The following CSMD1 variants were observed in gnomAD, a reference collection of about 807,000 sequenced individuals.
The protein encoded by CSMD1 is CUB and sushi domain-containing protein 1.
In CSMD1, 213 loss-of-function variants were observed where a neutral mutation model predicts 417.5. That is an observed-to-expected ratio of 0.51 (90% confidence interval 0.46 to 0.57). CSMD1 has a LOEUF of 0.57. Ranked by LOEUF, CSMD1 falls within the 20% of genes least tolerant of loss-of-function variation. CSMD1 has a pLI of 0.00. For missense variants in CSMD1, 6,923 were observed against 4,529.7 expected, an observed-to-expected ratio of 1.53 and a Z score of -15.17; for synonymous variants, 2,862 against 1,736.8, an observed-to-expected ratio of 1.65 and a Z score of -16.11.
intron 24 of CSMD1, 140 bp from the exon 25 acceptor site, chr8:3,307,961 C>A (rs564849616): frequency 6.8e-5 from 64 of 939,288 alleles, no homozygotes; most frequent in Non-Finnish European, 8.9e-5. Flanking sequence ...CTCTCCTGAC[C>A]GTTTCAATAT....
chr8:3,997,584 C>T (rs1432556240), intron 5 of CSMD1, among the ~76,000 whole-genome samples: 3 of 152,180 alleles, frequency 2.0e-5, no homozygotes, highest in African/African-American at 7.2e-5. Flanking sequence ...TCTCTGCTCA[C>T]AGTGAAACAG....
intron 10 of CSMD1, among the ~76,000 whole-genome samples, chr8:3,560,498 T>C (rs1457987721): frequency 3.9e-5 from 6 of 152,124 alleles, no homozygotes; most frequent in Non-Finnish European, 5.9e-5. Context: ...ATTAGTGCCC[T>C]AGAAGAAACC....
At chr8:3,150,662 A>C (rs1819140563) in intron 40 of CSMD1, among the ~76,000 whole-genome samples, 1 of 152,222 alleles carries the variant, frequency 6.6e-6, no homozygotes, top group African/African-American at 2.4e-5. Flanking sequence ...ACATTCACTA[A>C]GTACCTAACT....
chr8:4,532,968 T>C (rs1026527739), intron 2 of CSMD1, among the ~76,000 whole-genome samples: 1 of 150,524 alleles, frequency 6.6e-6, no homozygotes, highest in East Asian at 2.0e-4. Context: ...TCCTGCACCG[T>C]CATTCACAGT....
Position 4,397,313 on chromosome 8 carries a change from G to C in CSMD1, c.415+22640C>G, listed in dbSNP as rs181995044. On this transcript the variant is annotated intron_variant, in intron 3 of 69. Transcript: ENST00000635120. Reference sequence around the variant, plus strand: ...AGAACATTGTTTTCTAATTTTAAATGTATAAGCATATTCAACTGAAGATTA... The same window carrying C: ...AGAACATTGTTTTCTAATTTTAAATCTATAAGCATATTCAACTGAAGATTA... Among the ~76,000 whole-genome samples, 264 of 152,220 alleles carry C rather than the reference G, an allele frequency of 1.7e-3. 1 individual carries two copies. Among genetic ancestry groups the C allele is most frequent in the African/African-American group, 5.8e-3 (243 of 41,560 alleles).
chr8:4,002,462 T>A (rs1341656264), intron 4 of CSMD1, among the ~76,000 whole-genome samples: 1 of 152,216 alleles, frequency 6.6e-6, no homozygotes, highest in Non-Finnish European at 1.5e-5. Flanking sequence ...GTTTGTTTCC[T>A]CTTAGATCTA....
At chr8:4,860,684 G>A (rs1802078795) in intron 1 of CSMD1, among the ~76,000 whole-genome samples, 1 of 152,078 alleles carries the variant, frequency 6.6e-6, no homozygotes, top group Non-Finnish European at 1.5e-5. Context: ...TGTTTGAAAT[G>A]TTCCTCATTC....
intron 3 of CSMD1, among the ~76,000 whole-genome samples, chr8:4,335,503 G>A (rs545808298): frequency 9.3e-4 from 141 of 152,126 alleles, no homozygotes; most frequent in African/African-American, 3.2e-3. Flanking sequence ...CTGAACAAAC[G>A]AAGTCATCAC....
intron 3 of CSMD1, among the ~76,000 whole-genome samples, chr8:4,313,483 C>T (rs534388565): frequency 6.9e-6 from 1 of 144,526 alleles, no homozygotes; most frequent in South Asian, 2.3e-4. Context: ...CCGAAGAGCT[C>T]CCAAAGGTCT....
At chr8:3,702,483 G>A (rs144186702) in intron 7 of CSMD1, among the ~76,000 whole-genome samples, 1 of 152,176 alleles carries the variant, frequency 6.6e-6, no homozygotes, top group Non-Finnish European at 1.5e-5. Context: ...TTTCTGCCAA[G>A]AAGAATGCTC....
chr8:4,602,314 A>G (rs549496181), intron 2 of CSMD1, among the ~76,000 whole-genome samples: 11 of 152,172 alleles, frequency 7.2e-5, no homozygotes, highest in Non-Finnish European at 1.6e-4. Context: ...GGCACTTCAG[A>G]GGTCCGAAGC....
At chr8:4,363,848 C>G (rs1372897970) in intron 3 of CSMD1, among the ~76,000 whole-genome samples, 1 of 151,930 alleles carries the variant, frequency 6.6e-6, no homozygotes, top group East Asian at 1.9e-4. Flanking sequence ...ATCTGAAAAT[C>G]AAAACAATAG....
chr8:3,519,698 A>G (rs1225552356), intron 10 of CSMD1, among the ~76,000 whole-genome samples: 1 of 152,202 alleles, frequency 6.6e-6, no homozygotes, highest in Non-Finnish European at 1.5e-5. Context: ...AATTTAATGA[A>G]TAAAGTGGTG....
At chr8:3,583,040 A>T (rs1190866057) in intron 9 of CSMD1, among the ~76,000 whole-genome samples, 2 of 152,076 alleles carry the variant, frequency 1.3e-5, no homozygotes, top group Non-Finnish European at 2.9e-5. Context: ...AGGGCTTAGA[A>T]TTTCCCTTAC....
At chr8:4,417,540 T>A (rs1006728843) in intron 3 of CSMD1, among the ~76,000 whole-genome samples, 11 of 152,076 alleles carry the variant, frequency 7.2e-5, no homozygotes, top group African/African-American at 2.7e-4. Flanking sequence ...GAATTTATTA[T>A]AATATGAAAG....
rs922878258 is a variant in CSMD1 at position 3,941,550 on chromosome 8, G to C, written c.818+56353C>G. Among the ~76,000 whole-genome samples, 20 of 152,262 alleles carry C rather than the reference G, an allele frequency of 1.3e-4. No individual in the cohort carries two copies. The East Asian group carries it at 2.9e-3, about 22-fold the overall frequency. ...TTTTAAAGTGCTCTCTCTCCGAGCA[G>C]TGGGTTTCCTTGGATATTTTACTAC... On this transcript the variant is annotated intron_variant, in intron 5 of 69. Coordinates refer to ENST00000635120, the MANE Select transcript of CSMD1 (RefSeq NM_033225.6).
At chr8:4,110,827 C>G (rs1293210119) in intron 3 of CSMD1, among the ~76,000 whole-genome samples, 1 of 152,002 alleles carries the variant, frequency 6.6e-6, no homozygotes, top group Admixed American at 6.6e-5. Flanking sequence ...GCTTCTATTT[C>G]TACTTTTTTT....
rs59386340 is a variant in CSMD1 at position 3,397,329 on chromosome 8, G to A, written c.2406-948C>T. Among the ~76,000 whole-genome samples, 620 of 152,294 alleles carry A rather than the reference G, an allele frequency of 4.1e-3. 2 individuals carry two copies. Among genetic ancestry groups the A allele is most frequent in the African/African-American group, 0.014 (589 of 41,570 alleles). The stretch of plus-strand genomic sequence containing the variant: ...ATGAATTGGGAGAAAACTTGGGAGA[G>A]GGGAAGCAATCTTAGCCTCATGGCG... On this transcript the variant is annotated intron_variant, in intron 16 of 69. Transcript: ENST00000635120.
chr8:3,900,903 T>C (rs921385841), intron 5 of CSMD1, among the ~76,000 whole-genome samples: 4 of 152,192 alleles, frequency 2.6e-5, no homozygotes, highest in Non-Finnish European at 5.9e-5. Flanking sequence ...TTGATCTGAG[T>C]CCTCGTGCAT....
Sources: allele counts gnomAD v4.1 joint callset (sites outside exome capture counted in the v4.1 genomes callset), GRCh38; gene constraint gnomAD v4.1.1; transcripts MANE v1.5; gene names NCBI Gene and HGNC (gene_info 2026-07-23, HGNC 2026-07-21).